FSTL4: variants seen among roughly 807,000 people sequenced by gnomAD.
FSTL4 encodes follistatin-related protein 4.
FSTL4 carries 28 observed loss-of-function variants against 78.2 expected under a neutral mutation model. The observed-to-expected ratio is 0.36, with a 90% CI of 0.27 to 0.49. The LOEUF is 0.49. Among genes scored for constraint, FSTL4 ranks in the 20% least tolerant of loss-of-function variants. The probability of loss-of-function intolerance (pLI) is 0.98; values close to 1 mark genes in which losing one functional copy is unlikely to be tolerated. For synonymous variants in FSTL4, 422 were observed against 440.5 expected, an observed-to-expected ratio of 0.96 and a Z score of 0.53; for missense variants, 922 against 1,084.9, an observed-to-expected ratio of 0.85 and a Z score of 2.11.
At chr5:133,482,578 C>G (rs922944074) in intron 3 of FSTL4, among the ~76,000 whole-genome samples, 2 of 152,226 alleles carry the variant, frequency 1.3e-5, no homozygotes, top group Non-Finnish European at 2.9e-5. Context: ...ACTAGCCAGG[C>G]CACCCACAGC....
the FSTL4 span, among the ~76,000 whole-genome samples, chr5:133,767,308 G>A: frequency 6.6e-6 from 1 of 152,186 alleles, no homozygotes; most frequent in African/African-American, 2.4e-5. Flanking sequence ...AGCCTGTCAT[G>A]TGCCCTTGTA....
chr5:133,667,975 C>A, the FSTL4 span, among the ~76,000 whole-genome samples: 1 of 152,202 alleles, frequency 6.6e-6, no homozygotes, highest in Non-Finnish European at 1.5e-5. Flanking sequence ...AAATTAGGGA[C>A]TCATGCTTAC....
chr5:133,234,699 A>G (rs1751602271), intron 7 of FSTL4, among the ~76,000 whole-genome samples: 1 of 152,118 alleles, frequency 6.6e-6, no homozygotes, highest in Non-Finnish European at 1.5e-5. Context: ...GAGTGATGGG[A>G]ACTCAGGACA....
chr5:133,199,095 T>C lies in FSTL4; in HGVS notation c.2529A>G (p.Ter843TrpextTer51). 6.5e-7 allele frequency: 1 copy of C among 1,530,376 alleles called. No homozygotes were observed. The allele number at this position is 1,530,376 out of a possible 1,614,324, so 94.8% of individuals were successfully genotyped here. Residue 843 changes from the stop codon to tryptophan, a stop_lost, in exon 16 of 16, where the codon TGA becomes TGG. Coordinates refer to ENST00000265342, the MANE Select transcript of FSTL4 (RefSeq NM_015082.2). The surrounding 1 kb of genome is among the most constrained non-coding windows in gnomAD (Gnocchi z 4.4). Reference protein sequence around the residue: ...GTTVVWVGEV* With the variant: ...GTTVVWVGEVW ...GGCCCAGGGCTCTGCTCTGGGCCCTTCATACCTCACCCACCCACACCACTG... is the reference window on the plus strand; with the variant it reads ...GGCCCAGGGCTCTGCTCTGGGCCCTCCATACCTCACCCACCCACACCACTG...
chr5:133,300,648 C>G (rs1266429780), intron 6 of FSTL4, among the ~76,000 whole-genome samples: 1 of 152,176 alleles, frequency 6.6e-6, no homozygotes, highest in Non-Finnish European at 1.5e-5. Flanking sequence ...ACTTCTGTTT[C>G]CAAGCCATCG....
chr5:133,216,541 G>C (rs1046987800), intron 13 of FSTL4, among the ~76,000 whole-genome samples: 7 of 152,182 alleles, frequency 4.6e-5, no homozygotes, highest in Admixed American at 3.9e-4. Flanking sequence ...AGTAGAGACG[G>C]GGTTTCACCA....
chr5:133,464,327 C>G lies in FSTL4; in HGVS notation c.161-63341G>C, dbSNP rs150961852. On this transcript the variant is annotated intron_variant, in intron 3 of 15. Coordinates refer to ENST00000265342, the MANE Select transcript of FSTL4 (RefSeq NM_015082.2). Reference sequence around the variant, plus strand: ...ACATTTTCCCAAGAACAAAATCACTCTTCATTGCTGAGTCCATATGCAGGT... The same window carrying G: ...ACATTTTCCCAAGAACAAAATCACTGTTCATTGCTGAGTCCATATGCAGGT... Among the ~76,000 whole-genome samples the G allele has an allele frequency of 1.9e-3, 286 of 152,348 alleles. 2 individuals carry two copies. Among genetic ancestry groups the G allele is most frequent in the African/African-American group, 6.5e-3 (272 of 41,590 alleles).
intron 3 of FSTL4, among the ~76,000 whole-genome samples, chr5:133,408,834 T>C (rs748621418): frequency 6.6e-6 from 1 of 152,130 alleles, no homozygotes; most frequent in African/African-American, 2.4e-5. Flanking sequence ...AGATAATTCA[T>C]GTAGAGAGCT....
chr5:133,420,986 G>T (rs1434881204), intron 3 of FSTL4, among the ~76,000 whole-genome samples: 5 of 152,220 alleles, frequency 3.3e-5, no homozygotes, highest in Non-Finnish European at 5.9e-5. Flanking sequence ...TCCCAGGATG[G>T]CTCTCTGCTG....
chr5:133,834,851 A>C, the FSTL4 span, among the ~76,000 whole-genome samples: 1 of 151,980 alleles, frequency 6.6e-6, no homozygotes, highest in African/African-American at 2.4e-5. Flanking sequence ...AAGACTGAAA[A>C]TATCTTTATG....
At chr5:133,747,209 G>A in the FSTL4 span, among the ~76,000 whole-genome samples, 1 of 152,146 alleles carries the variant, frequency 6.6e-6, no homozygotes, top group African/African-American at 2.4e-5. Flanking sequence ...TGAAGGCAGG[G>A]CTGAGAAACC....
chr5:133,507,698 T>C (rs982845872), intron 3 of FSTL4, among the ~76,000 whole-genome samples: 1 of 151,818 alleles, frequency 6.6e-6, no homozygotes, highest in Non-Finnish European at 1.5e-5. Flanking sequence ...AATTTTTGTA[T>C]TTTTAGTAGA....
chr5:133,564,801 G>A (rs1561470890), intron 3 of FSTL4, among the ~76,000 whole-genome samples: 1 of 152,168 alleles, frequency 6.6e-6, no homozygotes, highest in Non-Finnish European at 1.5e-5. Context: ...CAGAGGACAG[G>A]TTTAAGGCAC....
At position 133,204,834 on chromosome 5, in the gene FSTL4, CA is replaced by C. The variant is rs33932730; in HGVS notation, c.1717-2793del. Reference sequence around the variant, plus strand: ...CTGGGTGCAGAGTGAGATTCTGTCTCAAAAAAAAAAAAAAAAAATCTTTCAG... The same window carrying C: ...CTGGGTGCAGAGTGAGATTCTGTCTCAAAAAAAAAAAAAAAAATCTTTCAG... On this transcript the variant is annotated intron_variant, in intron 14 of 15. Coordinates refer to ENST00000265342, the MANE Select transcript of FSTL4 (RefSeq NM_015082.2). Among the ~76,000 whole-genome samples, 352 of 129,046 alleles carry C rather than the reference CA, an allele frequency of 2.7e-3. 3 individuals are homozygous for C. The East Asian group carries it at 0.034, about 12-fold the overall frequency. 84.7% of individuals were successfully genotyped at this position (129,046 alleles called of 152,430 possible). A position where few individuals can be genotyped will look rare whatever the true frequency, so the allele number is the denominator to read the frequency against.
intron 3 of FSTL4, among the ~76,000 whole-genome samples, chr5:133,445,509 G>A (rs1757246112): frequency 6.6e-6 from 1 of 152,234 alleles, no homozygotes; most frequent in Non-Finnish European, 1.5e-5. Context: ...CCTGGCTGCA[G>A]TGCTGGGGTA....
chr5:133,760,513 T>C, the FSTL4 span, among the ~76,000 whole-genome samples: 2 of 152,064 alleles, frequency 1.3e-5, no homozygotes, highest in South Asian at 2.1e-4. Context: ...TGACCTGGAG[T>C]GTCCAGACAG....
the FSTL4 span, among the ~76,000 whole-genome samples, chr5:133,656,343 TACA>T: frequency 6.6e-6 from 1 of 152,168 alleles, no homozygotes; most frequent in Non-Finnish European, 1.5e-5. Context: ...GGAGTGTTTA[TACA>T]ACAATTCCCA....
the FSTL4 span, among the ~76,000 whole-genome samples, chr5:133,803,101 G>A: frequency 6.6e-6 from 1 of 152,198 alleles, no homozygotes; most frequent in Non-Finnish European, 1.5e-5. Context: ...AGAAGGAGGA[G>A]AGAGAAAGAC....
At chr5:133,249,880 G>T (rs902978604) in intron 6 of FSTL4, among the ~76,000 whole-genome samples, 8 of 152,244 alleles carry the variant, frequency 5.3e-5, no homozygotes, top group African/African-American at 1.9e-4. Context: ...GGCTGCGAAG[G>T]CCAGGGGGCC....
Sources: gnomAD v4.1 joint callset for allele counts (sites outside exome capture counted in the v4.1 genomes callset) on GRCh38, gnomAD v4.1.1 for gene constraint, Gnocchi (gnomAD v3.1) non-coding constraint, MANE v1.5 for transcripts, NCBI Gene and HGNC (gene_info 2026-07-23, HGNC 2026-07-21) for gene names.